Variants in TSN observed in about 807,000 individuals in gnomAD.
The protein encoded by TSN is translin.
A neutral mutation model predicts 29.4 loss-of-function variants in TSN; 5 were observed. The ratio of observed to expected loss-of-function variants is 0.17; its 90% CI spans 0.09 to 0.36. TSN has a LOEUF of 0.36. TSN is among the 10% of genes least tolerant of loss of function. The probability of loss-of-function intolerance (pLI) is 1.00; values close to 1 mark genes in which losing one functional copy is unlikely to be tolerated. For missense variants in TSN, 159 were observed against 272.8 expected, an observed-to-expected ratio of 0.58 and a Z score of 2.94; for synonymous variants, 106 against 102.2, an observed-to-expected ratio of 1.04 and a Z score of -0.23.
chr2:121,758,933 G>A lies in TSN; in HGVS notation c.257+127G>A, dbSNP rs371739237. 16 of 547,756 alleles carry A rather than the reference G, an allele frequency of 2.9e-5. No individual in the cohort carries two copies. The South Asian group carries it at 3.8e-4, about 13-fold the overall frequency. The allele number at this position is 547,756 out of a possible 1,614,324, so 33.9% of individuals were successfully genotyped here. Reference sequence around the variant, plus strand: ...AGAAGTAACAAAAAGAGAAAAAACCGAACTAATAATGGTCATGACAAAAAT... The same window carrying A: ...AGAAGTAACAAAAAGAGAAAAAACCAAACTAATAATGGTCATGACAAAAAT... On this transcript the variant is annotated intron_variant, in intron 3 of 5. Transcript: ENST00000389682.
Position 121,761,536 on chromosome 2 carries a change from T to C in TSN, c.373+12T>C, listed in dbSNP as rs115957054. The stretch of plus-strand genomic sequence containing the variant: ...AGAAATTCTTGGCAGTAAGTGTCTT[T>C]ATTAGTGGGATCTGCAGAATCAGGC... On this transcript the variant is annotated intron_variant, in intron 4 of 5. Transcript: ENST00000389682. The C allele has an allele frequency of 9.0e-4, 1,428 of 1,586,104 alleles. 9 individuals carry two copies. The African/African-American group carries it at 0.017, about 19-fold the overall frequency.
intron 4 of TSN, among the ~76,000 whole-genome samples, chr2:121,761,826 A>AT (rs57744560): frequency 9.9e-4 from 145 of 146,770 alleles, no homozygotes; most frequent in African/African-American, 1.9e-3. Flanking sequence ...CTATGTAAAT[A>AT]TTTTTTTTTT....
rs1290082294 is a variant in TSN, at chr2:121,755,995, C to A, written c.66+150C>A. Reference sequence around the variant, plus strand: ...CTAGCTTTAGGTTAGGCACTCCCCGCCCCCGCCCAAAATTTTGCTGCTCTG... The same window carrying A: ...CTAGCTTTAGGTTAGGCACTCCCCGACCCCGCCCAAAATTTTGCTGCTCTG... On this transcript the variant is annotated intron_variant, in intron 1 of 5. Coordinates refer to ENST00000389682, the MANE Select transcript of TSN (RefSeq NM_004622.3). 2.7e-6 allele frequency: 4 copies of A among 1,456,406 alleles called. No homozygotes were observed. The African/African-American group carries it at 4.2e-5, about 15-fold the overall frequency. The allele number at this position is 1,456,406 out of a possible 1,614,324, so 90.2% of individuals were successfully genotyped here. A position where few individuals can be genotyped will look rare whatever the true frequency, so the allele number is the denominator to read the frequency against.
rs142031103 is a variant in TSN, at chr2:121,765,441, G to A, written c.*74G>A. On this transcript the variant is annotated 3_prime_UTR_variant, in exon 6 of 6. Coordinates refer to ENST00000389682, the MANE Select transcript of TSN (RefSeq NM_004622.3). Reference sequence around the variant, plus strand: ...GGGGTGAGCACAGAGTGCCTCTTACGGTAGTTAGGATGCTCAGTTGCTAAA... The same window carrying A: ...GGGGTGAGCACAGAGTGCCTCTTACAGTAGTTAGGATGCTCAGTTGCTAAA... The A allele has an allele frequency of 7.9e-5, 108 of 1,368,268 alleles. No homozygotes were observed. Among genetic ancestry groups the A allele is most frequent in the South Asian group, 4.5e-4 (37 of 82,702 alleles). 84.8% of individuals were successfully genotyped at this position (1,368,268 alleles called of 1,614,324 possible).
intron 1 of TSN, chr2:121,756,151 C>T: frequency 2.2e-6 from 1 of 458,602 alleles, no homozygotes; most frequent in South Asian, 2.5e-5. Context: ...ATGAGCGTTT[C>T]GTGTATTTTT....
intron 1 of TSN, chr2:121,756,775 T>G (rs2074755331): frequency 2.4e-5 from 10 of 409,092 alleles, no homozygotes; most frequent in Non-Finnish European, 4.4e-5. Flanking sequence ...TGGGCATGGT[T>G]GCGCACACCT....
chr2:121,760,631 A>G (rs2074811776), intron 3 of TSN, among the ~76,000 whole-genome samples: 1 of 152,148 alleles, frequency 6.6e-6, no homozygotes, highest in Non-Finnish European at 1.5e-5. Flanking sequence ...TCAGTATTCT[A>G]TTTTAAGTGC....
chr2:121,764,304 T>G (rs1289722182), intron 5 of TSN, among the ~76,000 whole-genome samples: 1 of 152,052 alleles, frequency 6.6e-6, no homozygotes, highest in African/African-American at 2.4e-5. Flanking sequence ...TAAGGTGTCT[T>G]TAGGACCATA....
Position 121,765,467 on chromosome 2 carries a change from C to T in TSN, c.*100C>T, listed in dbSNP as rs1362266297. The T allele has an allele frequency of 2.8e-6, 3 of 1,062,042 alleles. No homozygotes were observed. In the African/African-American group the frequency reaches 4.8e-5, roughly 17 times the overall value. The allele number at this position is 1,062,042 out of a possible 1,614,324, so 65.8% of individuals were successfully genotyped here. A position where few individuals can be genotyped will look rare whatever the true frequency, so the allele number is the denominator to read the frequency against. On this transcript the variant is annotated 3_prime_UTR_variant, in exon 6 of 6. Transcript: ENST00000389682. ...GTAGTTAGGATGCTCAGTTGCTAAACACTGCGCTTTATTTTCTTAACCAGT... is the reference window on the plus strand; with the variant it reads ...GTAGTTAGGATGCTCAGTTGCTAAATACTGCGCTTTATTTTCTTAACCAGT...
At chr2:121,756,248 T>G (rs1482338331) in intron 1 of TSN, 1 of 253,336 alleles carries the variant, frequency 3.9e-6, no homozygotes, top group African/African-American at 2.3e-5. Flanking sequence ...GACTCTACTG[T>G]GGCTCACATG....
chr2:121,761,599 T>C, intron 4 of TSN, 75 bp downstream of exon 4: 1 of 1,157,336 alleles, frequency 8.6e-7, no homozygotes, highest in East Asian at 2.3e-5. Flanking sequence ...GTGGTTGTAC[T>C]TTGTTTATTA....
chr2:121,762,632 T>A (rs950196575), intron 4 of TSN, among the ~76,000 whole-genome samples: 3 of 152,214 alleles, frequency 2.0e-5, no homozygotes, highest in African/African-American at 7.2e-5. Flanking sequence ...ATTTACCACT[T>A]GTTAACATTT....
intron 3 of TSN, among the ~76,000 whole-genome samples, chr2:121,759,959 T>A (rs1573388790): frequency 6.6e-6 from 1 of 152,288 alleles, no homozygotes; most frequent in Admixed American, 6.5e-5. Context: ...GCCTAAAATA[T>A]TTACTACTTG....
chr2:121,757,105 T>TA (rs1211478506), intron 1 of TSN, 135 bp from the exon 2 acceptor site: 1 of 790,910 alleles, frequency 1.3e-6, no homozygotes, highest in African/African-American at 1.7e-5. Flanking sequence ...TTTGAAGTCT[T>TA]ACAGAGGAAA....
chr2:121,763,297 C>T (rs2074856786), intron 5 of TSN, among the ~76,000 whole-genome samples: 2 of 152,092 alleles, frequency 1.3e-5, no homozygotes, highest in South Asian at 4.2e-4. Flanking sequence ...CGCCCGCCAC[C>T]ACACCCGGCT....
intron 2 of TSN, chr2:121,757,638 G>A (rs11122867): frequency 6.5e-5 from 19 of 294,484 alleles, no homozygotes; most frequent in African/African-American, 4.2e-4. Context: ...AGCGGGAAAA[G>A]GGTTTATTAT....
At chr2:121,759,831 G>C (rs1176853247) in intron 3 of TSN, among the ~76,000 whole-genome samples, 2 of 152,214 alleles carry the variant, frequency 1.3e-5, no homozygotes, top group African/African-American at 2.4e-5. Context: ...GGGAGAGGTT[G>C]ACAAACCACT....
intron 3 of TSN, 59 bp downstream of exon 3, chr2:121,758,865 T>C (rs2074783712): frequency 1.7e-6 from 2 of 1,205,042 alleles, no homozygotes; most frequent in Non-Finnish European, 2.3e-6. Context: ...AGAAAAATTA[T>C]GTGTACCAAA....
At chr2:121,760,162 A>G (rs1333813901) in intron 3 of TSN, among the ~76,000 whole-genome samples, 1 of 151,944 alleles carries the variant, frequency 6.6e-6, no homozygotes, top group Non-Finnish European at 1.5e-5. Context: ...CCTGAGCTCC[A>G]CCTCCTGTCA....
Sources: allele counts gnomAD v4.1 joint callset (sites outside exome capture counted in the v4.1 genomes callset), GRCh38; gene constraint gnomAD v4.1.1; transcripts MANE v1.5; gene names NCBI Gene and HGNC (gene_info 2026-07-23, HGNC 2026-07-21).